The following CEP112 variants were observed in gnomAD, a reference collection of about 807,000 sequenced individuals.
The protein encoded by CEP112 is centrosomal protein of 112 kDa.
Under a neutral mutation model 153.0 loss-of-function variants are expected in CEP112, and 127 were observed. That is an observed-to-expected ratio of 0.83 (90% confidence interval 0.72 to 0.96). The LOEUF (loss-of-function observed/expected upper bound fraction) is 0.96. Ranked by LOEUF, CEP112 falls within the 40% of genes least tolerant of loss-of-function variation. CEP112 has a pLI of 0.00. For synonymous variants in CEP112, 358 were observed against 374.4 expected (o/e 0.96, Z 0.51); for missense variants, 1,089 against 1,101.2 (o/e 0.99, Z 0.16).
chr17:65,984,818 C>T (rs988696587), intron 17 of CEP112, among the ~76,000 whole-genome samples: 2 of 152,078 alleles, frequency 1.3e-5, no homozygotes, highest in Non-Finnish European at 2.9e-5. Context: ...GCTATACTTT[C>T]GAACTGGATT....
chr17:65,756,435 A>G (rs1234333612), intron 21 of CEP112, among the ~76,000 whole-genome samples: 1 of 146,400 alleles, frequency 6.8e-6, no homozygotes, highest in Non-Finnish European at 1.5e-5. Context: ...AAAAAAAAAG[A>G]AATCAGGATA....
intron 1 of CEP112, among the ~76,000 whole-genome samples, chr17:66,186,667 T>C (rs2146940036): frequency 6.6e-6 from 1 of 152,326 alleles, no homozygotes; most frequent in Admixed American, 6.5e-5. Context: ...AATCCCTTGA[T>C]GCCCTCCTTC....
chr17:65,959,448 C>T (rs1442357465), intron 18 of CEP112, among the ~76,000 whole-genome samples: 1 of 152,210 alleles, frequency 6.6e-6, no homozygotes, highest in East Asian at 1.9e-4. Context: ...GAACTCAGGA[C>T]CTGTCGAATG....
Position 66,156,810 on chromosome 17 carries a change from A to T in CEP112, c.470+18234T>A, listed in dbSNP as rs184983320. 2.8e-3 allele frequency among the ~76,000 whole-genome samples: 428 copies of T among 152,240 alleles called. 5 individuals carry two copies. Among genetic ancestry groups the T allele is most frequent in the African/African-American group, 9.5e-3 (394 of 41,546 alleles). Reference sequence around the variant, plus strand: ...GATTAAAGATCAACTTAATGAAATTAAGTGTGAAGACAAGATTAGAGAAAA... The same window carrying T: ...GATTAAAGATCAACTTAATGAAATTTAGTGTGAAGACAAGATTAGAGAAAA... On this transcript the variant is annotated intron_variant, in intron 4 of 26. Transcript: ENST00000535342.
At chr17:66,041,294 A>C (rs1470118742) in intron 12 of CEP112, among the ~76,000 whole-genome samples, 1 of 152,044 alleles carries the variant, frequency 6.6e-6, no homozygotes, top group Non-Finnish European at 1.5e-5. Context: ...AAGGAAAAAC[A>C]TTATGTTTGA....
intron 12 of CEP112, among the ~76,000 whole-genome samples, chr17:66,049,765 TAAAG>T (rs998743541): frequency 2.6e-5 from 4 of 151,892 alleles, no homozygotes; most frequent in African/African-American, 7.2e-5. Context: ...AGTAAATAAA[TAAAG>T]AGTCAAATGA....
intron 16 of CEP112, among the ~76,000 whole-genome samples, chr17:66,025,510 C>CA (rs1222999877): frequency 6.6e-6 from 1 of 151,478 alleles, no homozygotes; most frequent in South Asian, 2.1e-4. Flanking sequence ...AGACATTTTT[C>CA]AAAAAAAGAC....
chr17:65,969,498 T>C (rs1368505051), intron 17 of CEP112, among the ~76,000 whole-genome samples: 1 of 152,204 alleles, frequency 6.6e-6, no homozygotes, highest in African/African-American at 2.4e-5. Context: ...CACACAGGTA[T>C]ACTGTATTTG....
At chr17:66,128,631 G>A (rs988295418) in intron 6 of CEP112, among the ~76,000 whole-genome samples, 12 of 152,140 alleles carry the variant, frequency 7.9e-5, no homozygotes, top group Non-Finnish European at 1.5e-4. Flanking sequence ...TGTAATGTAA[G>A]CTAAGAAAGC....
In CEP112 at chr17:65,902,145, T is replaced by C. The variant is rs1201334040; in HGVS notation, c.2163+7A>G. On this transcript the variant is annotated splice_region_variant and intron_variant, in intron 20 of 26. Coordinates refer to ENST00000535342, the MANE Select transcript of CEP112 (RefSeq NM_001199165.4). ...TACCCGTTTTATCAAATATTATTGA[T>C]AATTACCTGTGCATCTCGTTTCTTG... 1 of 1,604,298 alleles carries C rather than the reference T, an allele frequency of 6.2e-7. No homozygotes were observed. The highest frequency in any genetic ancestry group is 1.7e-5 in the Admixed American group (1 of 59,452).
At chr17:65,998,520 G>A (rs2063884891) in intron 17 of CEP112, among the ~76,000 whole-genome samples, 1 of 149,466 alleles carries the variant, frequency 6.7e-6, no homozygotes, top group African/African-American at 2.5e-5. Context: ...TGTGAGAATT[G>A]TACCTCAATA....
chr17:65,855,760 A>C (rs2058101040), intron 20 of CEP112, among the ~76,000 whole-genome samples: 1 of 152,210 alleles, frequency 6.6e-6, no homozygotes, highest in Admixed American at 6.5e-5. Context: ...AGATGAAACA[A>C]GAATTTTTTA....
At chr17:65,789,839 A>G (rs149855320) in intron 21 of CEP112, among the ~76,000 whole-genome samples, 232 of 152,294 alleles carry the variant, frequency 1.5e-3, no homozygotes, top group African/African-American at 5.3e-3. Context: ...GGGGAGGGGG[A>G]ATATGTTGTA....
chr17:65,936,789 T>TCCCTCTCC (rs2061320565), intron 18 of CEP112, among the ~76,000 whole-genome samples: 1 of 121,440 alleles, frequency 8.2e-6, no homozygotes, highest in Non-Finnish European at 1.7e-5. Flanking sequence ...TCTCTCCGTC[T>TCCCTCTCC]ACCTCTCCCC....
intron 2 of CEP112, among the ~76,000 whole-genome samples, chr17:66,179,037 C>T (rs1399417117): frequency 6.6e-6 from 1 of 152,100 alleles, no homozygotes; most frequent in East Asian, 1.9e-4. Context: ...TTTAATTCTG[C>T]TCCATAGGTC....
At chr17:65,663,751 T>A (rs1480628843) in intron 24 of CEP112, among the ~76,000 whole-genome samples, 1 of 152,196 alleles carries the variant, frequency 6.6e-6, no homozygotes, top group Non-Finnish European at 1.5e-5. Context: ...TCAAACCCTG[T>A]CTTCAAGGAA....
intron 11 of CEP112, among the ~76,000 whole-genome samples, chr17:66,055,831 G>GCCAA (rs1568439343): frequency 4.6e-5 from 7 of 152,186 alleles, no homozygotes; most frequent in African/African-American, 1.4e-4. Flanking sequence ...TGGCTGATGT[G>GCCAA]TTTGAGGACT....
intron 19 of CEP112, among the ~76,000 whole-genome samples, chr17:65,911,034 A>G (rs1197767582): frequency 2.0e-5 from 3 of 152,204 alleles, no homozygotes; most frequent in Non-Finnish European, 4.4e-5. Flanking sequence ...AGAAAGGATG[A>G]TCAAAAAATT....
intron 6 of CEP112, among the ~76,000 whole-genome samples, chr17:66,104,877 C>G (rs923951585): frequency 6.6e-6 from 1 of 152,054 alleles, no homozygotes; most frequent in Admixed American, 6.6e-5. Flanking sequence ...ACAAGAAATG[C>G]TAAAGGAATT....
Sources: allele counts gnomAD v4.1 joint callset (sites outside exome capture counted in the v4.1 genomes callset), GRCh38; gene constraint gnomAD v4.1.1; transcripts MANE v1.5; gene names NCBI Gene and HGNC (gene_info 2026-07-23, HGNC 2026-07-21).